Variants in SNTG1 observed in about 807,000 individuals in gnomAD.
SNTG1 encodes gamma-1-syntrophin.
In SNTG1, 39 loss-of-function variants were observed where a neutral mutation model predicts 74.7. The ratio of observed to expected loss-of-function variants is 0.52; its 90% confidence interval spans 0.40 to 0.68. The LOEUF (loss-of-function observed/expected upper bound fraction) is 0.68. SNTG1 is among the 30% of genes least tolerant of loss of function. SNTG1 has a pLI of 0.00. For synonymous variants in SNTG1, 254 were observed against 217.1 expected, an observed-to-expected ratio of 1.17 and a Z score of -1.49; for missense variants, 685 against 609.5, an observed-to-expected ratio of 1.12 and a Z score of -1.30.
At chr8:50,208,836 CAGA>C (rs2084372420) in intron 2 of SNTG1, among the ~76,000 whole-genome samples, 2 of 152,160 alleles carry the variant, frequency 1.3e-5, no homozygotes, top group Admixed American at 1.3e-4. Flanking sequence ...GTGAGCGAAG[CAGA>C]AGATGGGTGA....
intron 13 of SNTG1, among the ~76,000 whole-genome samples, chr8:50,609,885 A>G (rs1449029422): frequency 1.3e-5 from 2 of 151,956 alleles, no homozygotes; most frequent in East Asian, 3.9e-4. Context: ...TTGTTGAGTC[A>G]TTGCTATAAT....
intron 2 of SNTG1, among the ~76,000 whole-genome samples, chr8:50,213,344 A>G (rs1041768246): frequency 1.3e-5 from 2 of 152,286 alleles, no homozygotes; most frequent in East Asian, 3.9e-4. Flanking sequence ...AGCAAACCCA[A>G]AAGGAATGAA....
intron 15 of SNTG1, among the ~76,000 whole-genome samples, chr8:50,682,488 A>T (rs2095335185): frequency 6.6e-6 from 1 of 152,144 alleles, no homozygotes; most frequent in African/African-American, 2.4e-5. Flanking sequence ...ACTAGAAGCA[A>T]GGGGTCAAAG....
intron 2 of SNTG1, among the ~76,000 whole-genome samples, chr8:50,225,406 A>C (rs1179075572): frequency 1.3e-5 from 2 of 152,190 alleles, no homozygotes; most frequent in African/African-American, 4.8e-5. Flanking sequence ...AATGCTTTCA[A>C]CCATTGTCAG....
At chr8:50,011,594 G>T (rs996235538) in intron 1 of SNTG1, among the ~76,000 whole-genome samples, 1 of 149,906 alleles carries the variant, frequency 6.7e-6, no homozygotes, top group South Asian at 2.1e-4. Flanking sequence ...ATTTTTATAC[G>T]TGATTCCAGG....
intron 1 of SNTG1, among the ~76,000 whole-genome samples, chr8:50,141,111 C>T (rs2081642185): frequency 1.3e-5 from 2 of 152,162 alleles, no homozygotes; most frequent in Non-Finnish European, 2.9e-5. Context: ...ATGGAGTCTC[C>T]AGGTTTCGCT....
chr8:50,720,921 C>T (rs1031234979), intron 17 of SNTG1, among the ~76,000 whole-genome samples: 6 of 152,194 alleles, frequency 3.9e-5, no homozygotes, highest in African/African-American at 1.4e-4. Flanking sequence ...AAATAGTTAA[C>T]ATAGGGTTTA....
intron 2 of SNTG1, among the ~76,000 whole-genome samples, chr8:50,209,264 C>T (rs534252673): frequency 1.3e-5 from 2 of 152,258 alleles, no homozygotes; most frequent in South Asian, 4.1e-4. Flanking sequence ...TCAAGAATGC[C>T]TGCCTGCCTC....
intron 8 of SNTG1, chr8:50,457,067 G>T (rs1001966239): frequency 6.6e-6 from 1 of 152,188 alleles, no homozygotes; most frequent in Non-Finnish European, 1.5e-5. Context: ...TGACAACGGA[G>T]ATTTTAACTC....
rs562271686 is a variant in SNTG1, at chr8:50,774,548, T to TA, written c.1396-18115dup. Among the ~76,000 whole-genome samples, 889 of 151,276 alleles carry TA rather than the reference T, an allele frequency of 5.9e-3. 9 individuals are homozygous for TA. The highest frequency in any genetic ancestry group is 0.017 in the East Asian group (88 of 5,118). On this transcript the variant is annotated intron_variant, in intron 18 of 18. Transcript: ENST00000642720. ...AGGAGAATTAAGTCATTATTACATA[T>TA]AAAAAAAAGAACATTTGCCACTAGT...
At chr8:50,370,074 A>T (rs1253403943) in intron 2 of SNTG1, among the ~76,000 whole-genome samples, 1 of 152,202 alleles carries the variant, frequency 6.6e-6, no homozygotes, top group Non-Finnish European at 1.5e-5. Flanking sequence ...ATGTATATAC[A>T]TTTGAGCATT....
Position 50,795,929 on chromosome 8 carries a change from C to T in SNTG1, c.*3100C>T, listed in dbSNP as rs1802790395. On this transcript the variant is annotated 3_prime_UTR_variant, in exon 19 of 19. Transcript: ENST00000642720. ...TCTTGCCCATATTTCAGGCATGTAC[C>T]AACTTATAATTTTGAAATCTTCGCT... 6.6e-6 allele frequency: 1 copy of T among 151,794 alleles called. No homozygotes were observed. Among genetic ancestry groups the T allele is most frequent in the Non-Finnish European group, 1.5e-5 (1 of 67,920 alleles). The allele number at this position is 151,794 out of a possible 1,614,324, so 9.4% of individuals were successfully genotyped here. A position where few individuals can be genotyped will look rare whatever the true frequency, so the allele number is the denominator to read the frequency against.
intron 15 of SNTG1, among the ~76,000 whole-genome samples, chr8:50,675,035 T>C (rs548591426): frequency 2.2e-4 from 33 of 152,228 alleles, no homozygotes; most frequent in African/African-American, 7.7e-4. Flanking sequence ...AGAGACTGTT[T>C]GTTATGATTT....
chr8:50,714,144 T>C (rs1426379591), intron 17 of SNTG1, among the ~76,000 whole-genome samples: 1 of 151,822 alleles, frequency 6.6e-6, no homozygotes, highest in Admixed American at 6.6e-5. Flanking sequence ...CAAATGACTG[T>C]AGATGTGTGG....
rs1205613382 is a variant in SNTG1 at position 49,911,693 on chromosome 8, A to G, written c.-641A>G. 6.6e-6 allele frequency: 1 copy of G among 152,204 alleles called. No homozygotes were observed. The allele number at this position is 152,204 out of a possible 1,614,324, so 9.4% of individuals were successfully genotyped here. ...TGCGCTTAGGGGCTCCCGTCCCCTT[A>G]CTTCAGCACCAGAGGGGATGGACAG... On this transcript the variant is annotated 5_prime_UTR_variant, in exon 1 of 19. Transcript: ENST00000642720.
intron 2 of SNTG1, among the ~76,000 whole-genome samples, chr8:50,247,580 A>C (rs2086456232): frequency 6.6e-6 from 1 of 152,224 alleles, no homozygotes; most frequent in South Asian, 2.1e-4. Context: ...ATCATAGTTT[A>C]ATGTAACCTC....
At chr8:50,444,764 A>AAAAAAAAAAAAAAG (rs71233494) in intron 5 of SNTG1, among the ~76,000 whole-genome samples, 2 of 140,240 alleles carry the variant, frequency 1.4e-5, no homozygotes, top group African/African-American at 2.7e-5. Flanking sequence ...AAAAAAAAAA[A>AAAAAAAAAAAAAAG]AAAGAAAGAG....
At chr8:50,300,580 TTAAG>T (rs1452930062) in intron 2 of SNTG1, among the ~76,000 whole-genome samples, 3 of 151,980 alleles carry the variant, frequency 2.0e-5, no homozygotes, top group African/African-American at 7.3e-5. Flanking sequence ...TAGTGATAGA[TTAAG>T]TAAAGCAAAT....
chr8:50,764,351 ATATT>A (rs2095608146), intron 18 of SNTG1, among the ~76,000 whole-genome samples: 1 of 151,968 alleles, frequency 6.6e-6, no homozygotes. Flanking sequence ...CATGGGAGAA[ATATT>A]TATAAGCTGT....
Sources: allele counts gnomAD v4.1 joint callset (sites outside exome capture counted in the v4.1 genomes callset), GRCh38; gene constraint gnomAD v4.1.1; transcripts MANE v1.5; gene names NCBI Gene and HGNC (gene_info 2026-07-23, HGNC 2026-07-21).